Variants in CARS1 observed in about 807,000 individuals in gnomAD.
CARS1 encodes cysteinyl-tRNA synthetase 1.
A neutral mutation model predicts 106.2 loss-of-function variants in CARS1; 48 were observed. That is an observed-to-expected ratio of 0.45 (90% CI 0.36 to 0.57). The LOEUF (loss-of-function observed/expected upper bound fraction) is 0.57. Among genes scored for constraint, CARS1 ranks in the 20% least tolerant of loss-of-function variants. The pLI is 0.00. For synonymous variants in CARS1, 409 were observed against 403.4 expected, an observed-to-expected ratio of 1.01 and a Z score of -0.17; for missense variants, 968 against 1,057.2, an observed-to-expected ratio of 0.92 and a Z score of 1.17.
At position 3,052,179 on chromosome 11, in the gene CARS1, G is replaced by A. The variant is rs1384024707; in HGVS notation, c.26-4178C>T. ...AGGAAGCAGTCTGGGAACTGAAGCC[G>A]CTGTGTATCCGCTCTCTGGAGACCT... On this transcript the variant is annotated intron_variant, in intron 1 of 22. Coordinates refer to ENST00000380525, the MANE Select transcript of CARS1 (RefSeq NM_001014437.3). This position sits in a 1 kb window ranked among gnomAD's most constrained non-coding sequence, Gnocchi z 4.6. Among the ~76,000 whole-genome samples the A allele has an allele frequency of 2.6e-5, 4 of 152,234 alleles. No homozygotes were observed. The highest frequency in any genetic ancestry group is 2.1e-4 in the South Asian group (1 of 4,836).
Position 3,029,571 on chromosome 11 carries a change from C to T in CARS1, c.802-128G>A, listed in dbSNP as rs974430293. 12 of 940,306 alleles carry T rather than the reference C, an allele frequency of 1.3e-5. No homozygotes were observed. The highest frequency in any genetic ancestry group is 9.9e-5 in the Admixed American group (4 of 40,486). The allele number at this position is 940,306 out of a possible 1,614,324, so 58.2% of individuals were successfully genotyped here. ...CTGACCTTGACCTGTGAAGAGCCAC[C>T]GTCTCCTAGGGAGACTGTGATGCTT... On this transcript the variant is annotated intron_variant, in intron 7 of 22. Coordinates refer to ENST00000380525, the MANE Select transcript of CARS1 (RefSeq NM_001014437.3). The surrounding 1 kb of genome is among the most constrained non-coding windows in gnomAD (Gnocchi z 5.9).
At chr11:3,009,451 T>C (rs1850231890) in intron 18 of CARS1, 1 of 152,330 alleles carries the variant, frequency 6.6e-6, no homozygotes, top group East Asian at 1.9e-4. Flanking sequence ...GTGGAGTTGC[T>C]GTTCCATGGG....
intron 10 of CARS1, among the ~76,000 whole-genome samples, chr11:3,025,168 A>G (rs1851926335): frequency 6.6e-6 from 1 of 152,084 alleles, no homozygotes; most frequent in Non-Finnish European, 1.5e-5. Flanking sequence ...CATGGGTCTG[A>G]TATTTATGTG....
rs1422899205 is a variant in CARS1, at chr11:3,021,144, C to T, written c.1154-812G>A. On this transcript the variant is annotated intron_variant, in intron 10 of 22. Coordinates refer to ENST00000380525, the MANE Select transcript of CARS1 (RefSeq NM_001014437.3). This position sits in a 1 kb window ranked among gnomAD's most constrained non-coding sequence, Gnocchi z 5.3. ...GGTCTGAGTCCCCAGAAAAGGAATG[C>T]ACCATCACTGCAGATTTCTCTCAAC... 6.6e-6 allele frequency among the ~76,000 whole-genome samples: 1 copy of T among 152,204 alleles called. No homozygotes were observed. The highest frequency in any genetic ancestry group is 1.9e-4 in the East Asian group (1 of 5,204).
intron 7 of CARS1, among the ~76,000 whole-genome samples, chr11:3,036,062 T>C (rs938569450): frequency 1.3e-5 from 2 of 152,218 alleles, no homozygotes; most frequent in Admixed American, 6.5e-5. Flanking sequence ...GCCTATGTGA[T>C]GGGCTTCCCT....
At position 3,041,737 on chromosome 11, in the gene CARS1, T is replaced by C. The variant is rs934096404; in HGVS notation, c.366+428A>G. On this transcript the variant is annotated intron_variant, in intron 3 of 22. Coordinates refer to ENST00000380525, the MANE Select transcript of CARS1 (RefSeq NM_001014437.3). The surrounding 1 kb of genome is among the most constrained non-coding windows in gnomAD (Gnocchi z 4.9). ...CTGTTAGGAACCAATCCTGCCTTCT[T>C]CTCAAAACCTGCTGTGCTCCCAACA... Among the ~76,000 whole-genome samples, 3 of 152,186 alleles carry C rather than the reference T, an allele frequency of 2.0e-5. No homozygotes were observed. Among genetic ancestry groups the C allele is most frequent in the African/African-American group, 7.2e-5 (3 of 41,458 alleles).
chr11:3,022,931 T>C lies in CARS1; in HGVS notation c.1154-2599A>G, dbSNP rs1851704151. On this transcript the variant is annotated intron_variant, in intron 10 of 22. Transcript: ENST00000380525. This position sits in a 1 kb window ranked among gnomAD's most constrained non-coding sequence, Gnocchi z 4.9. ...AGGCTACACTCCTTATGACTCCCCA[T>C]GGTGGGGGGAGGTTGCGGGGGTGGT... Among the ~76,000 whole-genome samples the C allele has an allele frequency of 6.6e-6, 1 of 152,106 alleles. No homozygotes were observed.
chr11:3,017,201 A>C lies in CARS1; in HGVS notation c.1822T>G (p.Cys608Gly). 1 of 1,614,172 alleles carries C rather than the reference A, an allele frequency of 6.2e-7. No homozygotes were observed. The highest frequency in any genetic ancestry group is 8.5e-7 in the Non-Finnish European group (1 of 1,180,022). ...MEEMRALVSQCNLYMAARKAV... is the reference protein window; with the variant it reads ...MEEMRALVSQGNLYMAARKAV... ...TTCCGGGCTGCCATATAGAGGTTGC[A>C]CTGACTGACCAAGGCCCGCATCTCT... The change falls in exon 16 of 23, where the codon TGC (cysteine) becomes GGC (glycine). Residue 608 changes from cysteine (C) to glycine (G), a missense_variant. By Grantham distance (159) the Cys-to-Gly change is radical. Transcript: ENST00000380525. This position sits in a 1 kb window ranked among gnomAD's most constrained non-coding sequence, Gnocchi z 4.9.
chr11:3,020,115 GACA>G lies in CARS1; in HGVS notation c.1266+102_1266+104del. The G allele has an allele frequency of 9.3e-6, 7 of 754,470 alleles. No homozygotes were observed. The highest frequency in any genetic ancestry group is 7.7e-5 in the South Asian group (5 of 65,252). 46.7% of individuals were successfully genotyped at this position (754,470 alleles called of 1,614,324 possible). A position where few individuals can be genotyped will look rare whatever the true frequency, so the allele number is the denominator to read the frequency against. On this transcript the variant is annotated intron_variant, in intron 11 of 22. Transcript: ENST00000380525. The surrounding 1 kb of genome is among the most constrained non-coding windows in gnomAD (Gnocchi z 4.6). ...CACCAGCACCAGGCTCTGGCCCAGT[GACA>G]ACATCCTTCACACACAGAGCGGCCC...
In CARS1 at chr11:3,039,125, G is replaced by A. The variant is rs1036589153; in HGVS notation, c.651+69C>T. The A allele has an allele frequency of 1.0e-5, 10 of 967,458 alleles. No individual in the cohort carries two copies. Among genetic ancestry groups the A allele is most frequent in the African/African-American group, 8.0e-5 (5 of 62,188 alleles). 59.9% of individuals were successfully genotyped at this position (967,458 alleles called of 1,614,324 possible). A position where few individuals can be genotyped will look rare whatever the true frequency, so the allele number is the denominator to read the frequency against. ...TGAGACTGACACTACCCTAGGGACA[G>A]TAGCCTACAAAGGACCGAGAACAGA... is the stretch of plus-strand genomic sequence containing the variant. On this transcript the variant is annotated intron_variant, in intron 6 of 22. Transcript: ENST00000380525. The surrounding 1 kb of genome is among the most constrained non-coding windows in gnomAD (Gnocchi z 5.6).
intron 1 of CARS1, chr11:3,055,028 G>A: frequency 1.4e-6 from 1 of 698,010 alleles, no homozygotes; most frequent in East Asian, 2.7e-5. Context: ...CTTCAAGACC[G>A]CAAAGGAAAA....
Position 3,039,994 on chromosome 11 carries a change from A to C in CARS1, c.456-63T>G. The C allele has an allele frequency of 1.2e-6, 1 of 855,410 alleles. No individual in the cohort carries two copies. The highest frequency in any genetic ancestry group is 1.9e-6 in the Non-Finnish European group (1 of 534,740). The allele number at this position is 855,410 out of a possible 1,614,324, so 53.0% of individuals were successfully genotyped here. A position where few individuals can be genotyped will look rare whatever the true frequency, so the allele number is the denominator to read the frequency against. ...GATATGTATAGCTTAACCTCCAACA[A>C]CACGTGTTTGAACTGCATGAGTGCA... On this transcript the variant is annotated intron_variant, in intron 4 of 22. Coordinates refer to ENST00000380525, the MANE Select transcript of CARS1 (RefSeq NM_001014437.3). The surrounding 1 kb of genome is among the most constrained non-coding windows in gnomAD (Gnocchi z 5.6).
chr11:3,018,548 T>A (rs1851267144), intron 13 of CARS1, 37 bp from the exon 14 acceptor site: 2 of 1,612,522 alleles, frequency 1.2e-6, no homozygotes, highest in Non-Finnish European at 1.7e-6. Context: ...GCCCTTATTC[T>A]CCCGAGTGCT....
Position 3,001,994 on chromosome 11 carries a change from G to A in CARS1, c.2337C>T (p.Asp779=). The change falls in exon 22 of 23, where the codon GAC becomes GAT. Residue 779 remains aspartate, a synonymous_variant. Transcript: ENST00000380525. ...CATTTTCATCAAACTTGGAGTATTTGTCGGTTTCTGACAAGAACATCTCAC... is the reference window on the plus strand; with the variant it reads ...CATTTTCATCAAACTTGGAGTATTTATCGGTTTCTGACAAGAACATCTCAC... ...PPSEMFLSET[D]KYSKFDENGL... The A allele has an allele frequency of 6.2e-7, 1 of 1,613,578 alleles. No homozygotes were observed. Among genetic ancestry groups the A allele is most frequent in the Non-Finnish European group, 8.5e-7 (1 of 1,179,572 alleles).
In CARS1 at chr11:3,037,410, A is replaced by G. The variant is rs1853798945; in HGVS notation, c.801+640T>C. ...CAGTGGGGCCTCTTTTTCTACACAC[A>G]GCTGCAGCCGTCTCTTCTCTTTTCC... On this transcript the variant is annotated intron_variant, in intron 7 of 22. Coordinates refer to ENST00000380525, the MANE Select transcript of CARS1 (RefSeq NM_001014437.3). The surrounding 1 kb of genome is among the most constrained non-coding windows in gnomAD (Gnocchi z 5.9). Among the ~76,000 whole-genome samples, 1 of 152,210 alleles carries G rather than the reference A, an allele frequency of 6.6e-6. No individual in the cohort carries two copies. Among genetic ancestry groups the G allele is most frequent in the Non-Finnish European group, 1.5e-5 (1 of 68,024 alleles).
At chr11:3,035,078 C>T (rs1853439276) in intron 7 of CARS1, among the ~76,000 whole-genome samples, 1 of 152,112 alleles carries the variant, frequency 6.6e-6, no homozygotes, top group African/African-American at 2.4e-5. Flanking sequence ...TTAACCCATT[C>T]ATGAGGGCAG....
chr11:3,010,307 C>CG (rs1403917992), intron 18 of CARS1, among the ~76,000 whole-genome samples: 2 of 152,188 alleles, frequency 1.3e-5, no homozygotes, highest in Non-Finnish European at 1.5e-5. Context: ...AGCTGGGGCC[C>CG]GGGCTCGGCC....
At chr11:3,005,796 G>C (rs939665503) in intron 19 of CARS1, among the ~76,000 whole-genome samples, 1 of 152,106 alleles carries the variant, frequency 6.6e-6, no homozygotes, top group Non-Finnish European at 1.5e-5. Flanking sequence ...TATTTTAGTG[G>C]AGACGGGGTT....
Position 3,029,579 on chromosome 11 carries a change from A to G in CARS1, c.802-136T>C. On this transcript the variant is annotated intron_variant, in intron 7 of 22. Transcript: ENST00000380525. The surrounding 1 kb of genome is among the most constrained non-coding windows in gnomAD (Gnocchi z 5.9). ...GACCTGTGAAGAGCCACCGTCTCCT[A>G]GGGAGACTGTGATGCTTACACAACT... is the stretch of plus-strand genomic sequence containing the variant. 1 of 840,058 alleles carries G rather than the reference A, an allele frequency of 1.2e-6. No homozygotes were observed. The highest frequency in any genetic ancestry group is 1.8e-5 in the South Asian group (1 of 57,096). The allele number at this position is 840,058 out of a possible 1,614,324, so 52.0% of individuals were successfully genotyped here.
Sources: allele counts gnomAD v4.1 joint callset (sites outside exome capture counted in the v4.1 genomes callset), GRCh38; gene constraint gnomAD v4.1.1; non-coding constraint Gnocchi (gnomAD v3.1); transcripts MANE v1.5; gene names NCBI Gene and HGNC (gene_info 2026-07-23, HGNC 2026-07-21).